Variants in KAZN observed in about 807,000 individuals in gnomAD.
The protein encoded by KAZN is kazrin.
A neutral mutation model predicts 87.4 loss-of-function variants in KAZN; 40 were observed. That is an observed-to-expected ratio of 0.46 (90% CI 0.36 to 0.60). The LOEUF is 0.60. Ranked by LOEUF, KAZN falls within the 20% of genes least tolerant of loss-of-function variation. The pLI, the probability that KAZN is intolerant of heterozygous loss-of-function variation, is 0.00. For synonymous variants in KAZN, 466 were observed against 458.3 expected, an observed-to-expected ratio of 1.02 and a Z score of -0.22; for missense variants, 898 against 1,073.9, an observed-to-expected ratio of 0.84 and a Z score of 2.29.
chr1:14,258,996 C>T (rs984999633), intron 2 of KAZN, among the ~76,000 whole-genome samples: 9 of 152,100 alleles, frequency 5.9e-5, no homozygotes, highest in Admixed American at 1.3e-4. Context: ...GAGGTAATCA[C>T]GGGGCTGGGC....
At chr1:14,138,652 T>C (rs12079101) in intron 1 of KAZN, among the ~76,000 whole-genome samples, 84,199 of 151,818 alleles carry the variant, frequency 0.55, 24,721 homozygotes, top group East Asian at 0.72. Context: ...AGGTAGGCAA[T>C]GGCGTACATC....
intron 2 of KAZN, among the ~76,000 whole-genome samples, chr1:14,233,846 G>A (rs1436291154): frequency 6.6e-6 from 1 of 152,138 alleles, no homozygotes; most frequent in Non-Finnish European, 1.5e-5. Flanking sequence ...AAACCACAAT[G>A]AGATACCATC....
intron 1 of KAZN, among the ~76,000 whole-genome samples, chr1:14,772,680 C>G (rs371264821): frequency 2.8e-4 from 43 of 152,230 alleles, no homozygotes; most frequent in African/African-American, 1.0e-3. Context: ...CCGATTCAGA[C>G]AATATTTGAA....
intron 1 of KAZN, among the ~76,000 whole-genome samples, chr1:14,171,577 C>T (rs115917604): frequency 0.025 from 3,777 of 152,210 alleles, 160 homozygotes; most frequent in African/African-American, 0.086. Context: ...CATTTTAATG[C>T]AAAATACATC....
At chr1:14,628,251 C>T (rs1183013336) in intron 1 of KAZN, among the ~76,000 whole-genome samples, 4 of 152,108 alleles carry the variant, frequency 2.6e-5, no homozygotes, top group South Asian at 2.1e-4. Flanking sequence ...CTTTTGTCGG[C>T]GGAGTAATTT....
chr1:15,054,492 A>G (rs2100468649), intron 4 of KAZN, among the ~76,000 whole-genome samples: 1 of 152,198 alleles, frequency 6.6e-6, no homozygotes, highest in African/African-American at 2.4e-5. Context: ...TCTACCAAAA[A>G]TACAAAAAAA....
intron 1 of KAZN, among the ~76,000 whole-genome samples, chr1:14,154,493 T>C (rs568226776): frequency 3.7e-4 from 57 of 152,298 alleles, no homozygotes; most frequent in African/African-American, 1.4e-3. Context: ...TTTATTTCTT[T>C]CTTGTCTGAT....
chr1:13,996,700 C>G (rs887555884), intron 1 of KAZN, among the ~76,000 whole-genome samples: 1 of 152,242 alleles, frequency 6.6e-6, no homozygotes, highest in Admixed American at 6.5e-5. Context: ...GAACTCAGGT[C>G]TCCCTGGGCC....
At chr1:14,164,534 CTT>C (rs1168650321) in intron 1 of KAZN, among the ~76,000 whole-genome samples, 10 of 93,780 alleles carry the variant, frequency 1.1e-4, no homozygotes, top group African/African-American at 3.4e-4. Context: ...TGAGTTTCCT[CTT>C]TTTTTTTTTT....
intron 1 of KAZN, among the ~76,000 whole-genome samples, chr1:13,940,711 G>A (rs752111393): frequency 5.1e-4 from 77 of 152,218 alleles, no homozygotes; most frequent in African/African-American, 1.2e-3. Context: ...AAAAAAATAC[G>A]TAGTACCTTG....
At chr1:14,263,793 G>C (rs1336436624) in intron 2 of KAZN, among the ~76,000 whole-genome samples, 1 of 152,224 alleles carries the variant, frequency 6.6e-6, no homozygotes, top group African/African-American at 2.4e-5. Context: ...GCAGTGAACA[G>C]AGCTCAAGTT....
chr1:15,045,910 G>A (rs1673435291), intron 4 of KAZN, among the ~76,000 whole-genome samples: 1 of 152,164 alleles, frequency 6.6e-6, no homozygotes, highest in Non-Finnish European at 1.5e-5. Context: ...TTGACACGTG[G>A]GGATTACAAT....
Position 14,598,783 on chromosome 1 carries a change from C to T in KAZN, c.-215C>T. 3 of 1,351,610 alleles carry T rather than the reference C, an allele frequency of 2.2e-6. No individual in the cohort carries two copies. In the East Asian group the frequency reaches 9.4e-5, roughly 42 times the overall value. The allele number at this position is 1,351,610 out of a possible 1,614,324, so 83.7% of individuals were successfully genotyped here. ...TCTTTTTTCTCCTCCGCCTCCTCCC[C>T]CCGCCGCCTCGCCACCGCCGCGGCT... On this transcript the variant is annotated 5_prime_UTR_variant, in exon 1 of 15. Coordinates refer to ENST00000376030, the MANE Select transcript of KAZN (RefSeq NM_201628.3). The surrounding 1 kb of genome is among the most constrained non-coding windows in gnomAD (Gnocchi z 4.2).
intron 1 of KAZN, among the ~76,000 whole-genome samples, chr1:14,768,370 A>T (rs1644938931): frequency 6.6e-6 from 1 of 152,176 alleles, no homozygotes; most frequent in Non-Finnish European, 1.5e-5. Flanking sequence ...CAACTCTGTG[A>T]TGTTGTCGGG....
chr1:13,985,894 A>G (rs1265969870), intron 1 of KAZN, among the ~76,000 whole-genome samples: 4 of 152,238 alleles, frequency 2.6e-5, no homozygotes, highest in African/African-American at 7.2e-5. Flanking sequence ...ATTCCATTAT[A>G]CAGTATACCA....
At chr1:14,969,817 A>T (rs12565155) in intron 2 of KAZN, among the ~76,000 whole-genome samples, 41,624 of 151,874 alleles carry the variant, frequency 0.27, 5,818 homozygotes, top group South Asian at 0.39. Context: ...TTTATTTTAT[A>T]TTATTTTTCG....
chr1:14,387,346 T>C (rs1393912669), intron 2 of KAZN, among the ~76,000 whole-genome samples: 1 of 152,234 alleles, frequency 6.6e-6, no homozygotes, highest in Admixed American at 6.5e-5. Flanking sequence ...CTTTGTTCTG[T>C]TGCTGGTGAG....
chr1:14,336,604 A>G (rs1365706181), intron 2 of KAZN, among the ~76,000 whole-genome samples: 1 of 151,858 alleles, frequency 6.6e-6, no homozygotes, highest in East Asian at 1.9e-4. Context: ...CATTTTCTCT[A>G]CCTCCTCATC....
At chr1:14,358,368 A>AC (rs1659220148) in intron 2 of KAZN, among the ~76,000 whole-genome samples, 1 of 151,626 alleles carries the variant, frequency 6.6e-6, no homozygotes, top group Non-Finnish European at 1.5e-5. Flanking sequence ...TTAAAAAAAA[A>AC]AACCAGCTCA....
Sources: allele counts gnomAD v4.1 joint callset (sites outside exome capture counted in the v4.1 genomes callset), GRCh38; gene constraint gnomAD v4.1.1; non-coding constraint Gnocchi (gnomAD v3.1); transcripts MANE v1.5; gene names NCBI Gene and HGNC (gene_info 2026-07-23, HGNC 2026-07-21).